The following COPZ1 variants were observed in gnomAD, a reference collection of about 807,000 sequenced individuals.
The protein encoded by COPZ1 is coat protein complex I subunit zeta 1.
In COPZ1, 4 loss-of-function variants were observed where a neutral mutation model predicts 31.7. The observed-to-expected ratio is 0.13, with a 90% confidence interval of 0.06 to 0.29. The LOEUF (loss-of-function observed/expected upper bound fraction) is 0.29, where lower values mean the gene tolerates loss of function less well. Ranked by LOEUF, COPZ1 falls within the 10% of genes least tolerant of loss-of-function variation. COPZ1 has a pLI of 1.00. For synonymous variants in COPZ1, 74 were observed against 79.0 expected, an observed-to-expected ratio of 0.94 and a Z score of 0.33; for missense variants, 156 against 211.5, an observed-to-expected ratio of 0.74 and a Z score of 1.63.
At chr12:54,350,177 C>T in intron 8 of COPZ1, 1 of 681,114 alleles carries the variant, frequency 1.5e-6, no homozygotes, top group Non-Finnish European at 2.7e-6. Flanking sequence ...GATTTGTTAC[C>T]CGCCCCCTGC....
intron 1 of COPZ1, among the ~76,000 whole-genome samples, chr12:54,332,283 C>T (rs934258367): frequency 6.6e-6 from 1 of 151,442 alleles, no homozygotes; most frequent in Non-Finnish European, 1.5e-5. Context: ...TGCACTCCAG[C>T]TTGGGCGACA....
chr12:54,340,007 G>C (rs1361575000), intron 1 of COPZ1, among the ~76,000 whole-genome samples: 2 of 151,800 alleles, frequency 1.3e-5, no homozygotes, highest in African/African-American at 2.4e-5. Context: ...GTGTGTGTGT[G>C]TGTGTGTGTG....
At position 54,345,522 on chromosome 12, in the gene COPZ1, A is replaced by G; in HGVS notation, c.317+7A>G. On this transcript the variant is annotated splice_region_variant and intron_variant, in intron 5 of 8. Coordinates refer to ENST00000262061, the MANE Select transcript of COPZ1 (RefSeq NM_016057.3). ...CATTGAGCCAGATGCTGAGGTGAGC[A>G]GGACATTCTTTTTTTTCCCCTCAAG... 6.2e-7 allele frequency: 1 copy of G among 1,608,884 alleles called. No individual in the cohort carries two copies. The highest frequency in any genetic ancestry group is 1.7e-4 in the Middle Eastern group (1 of 6,054).
chr12:54,337,033 A>G (rs1041296024), intron 1 of COPZ1, among the ~76,000 whole-genome samples: 10 of 151,194 alleles, frequency 6.6e-5, no homozygotes, highest in Admixed American at 5.3e-4. Flanking sequence ...AAAAAAAAAA[A>G]AAAAAAAAAA....
intron 1 of COPZ1, among the ~76,000 whole-genome samples, chr12:54,335,019 A>G (rs1388185300): frequency 1.3e-5 from 2 of 151,780 alleles, no homozygotes; most frequent in Non-Finnish European, 1.5e-5. Flanking sequence ...ACTAAAATAA[A>G]AAAAATCAGC....
intron 3 of COPZ1, 115 bp downstream of exon 3, chr12:54,342,402 C>A: frequency 1.3e-6 from 1 of 751,304 alleles, no homozygotes; most frequent in East Asian, 2.5e-5. Context: ...TTTTTTTTTC[C>A]TTCTTCCCCT....
At position 54,340,140 on chromosome 12, in the gene COPZ1, TATTTTCAAATGGC is replaced by T. The variant is rs563785224; in HGVS notation, c.19-406_19-394del. 2.6e-4 allele frequency among the ~76,000 whole-genome samples: 40 copies of T among 152,262 alleles called. No individual in the cohort carries two copies. In the East Asian group the frequency reaches 6.9e-3, roughly 26 times the overall value. ...CCAAGTATACTAGGACATTCAACCC[TATTTTCAAATGGC>T]TTTGTTCAGTGCCTTTTAATTAATC... On this transcript the variant is annotated intron_variant, in intron 1 of 8. Transcript: ENST00000262061.
At chr12:54,348,662 G>A (rs1405249943) in intron 7 of COPZ1, among the ~76,000 whole-genome samples, 1 of 152,080 alleles carries the variant, frequency 6.6e-6, no homozygotes, top group East Asian at 1.9e-4. Context: ...GCTTGAGCCC[G>A]GGAGGTGGAG....
Position 54,344,250 on chromosome 12 carries a change from C to T in COPZ1, c.261+934C>T, listed in dbSNP as rs148259890. Among the ~76,000 whole-genome samples the T allele has an allele frequency of 1.1e-4, 16 of 151,784 alleles. No homozygotes were observed. In the East Asian group the frequency reaches 2.7e-3, roughly 26 times the overall value. ...CGGATCACTTGAGGTCAGGAGTTCG[C>T]GACCAGGCTGGCCAACATGGCGAAA... On this transcript the variant is annotated intron_variant, in intron 4 of 8. Coordinates refer to ENST00000262061, the MANE Select transcript of COPZ1 (RefSeq NM_016057.3).
At chr12:54,339,453 T>G (rs1953932650) in intron 1 of COPZ1, among the ~76,000 whole-genome samples, 1 of 152,024 alleles carries the variant, frequency 6.6e-6, no homozygotes, top group African/African-American at 2.4e-5. Context: ...GCTCAAGAGA[T>G]CCTATCACCT....
intron 1 of COPZ1, among the ~76,000 whole-genome samples, chr12:54,329,753 A>G (rs1953718531): frequency 6.6e-6 from 1 of 152,132 alleles, no homozygotes. Context: ...ACCATAACCA[A>G]ATCCTAAATT....
At chr12:54,332,944 GC>G (rs1161455391) in intron 1 of COPZ1, among the ~76,000 whole-genome samples, 1 of 151,858 alleles carries the variant, frequency 6.6e-6, no homozygotes, top group Non-Finnish European at 1.5e-5. Flanking sequence ...TCTTTTTCCT[GC>G]CCCCTCCACA....
chr12:54,345,462 G>A lies in COPZ1; in HGVS notation c.264G>A (p.Leu88=). The change falls in exon 5 of 9, where the codon CTG becomes CTA. Residue 88 remains leucine, a splice_region_variant and synonymous_variant. Transcript: ENST00000262061. ...YVIGSSYENE[L]MLMAVLNCLF... is the part of the protein sequence containing the mutation. ...CTGCCTCCTCTGTTTCCCAACAGCT[G>A]ATGCTTATGGCTGTTCTGAACTGTC... is the stretch of plus-strand genomic sequence containing the variant. 1.9e-6 allele frequency: 3 copies of A among 1,612,754 alleles called. No homozygotes were observed. Among genetic ancestry groups the A allele is most frequent in the Non-Finnish European group, 2.5e-6 (3 of 1,178,834 alleles).
chr12:54,342,646 C>T, intron 3 of COPZ1: 1 of 251,270 alleles, frequency 4.0e-6, no homozygotes, highest in East Asian at 1.1e-4. Flanking sequence ...AGTATCCTGT[C>T]TCATATACAA....
intron 7 of COPZ1, 105 bp from the exon 8 acceptor site, chr12:54,349,515 T>G: frequency 1.1e-6 from 1 of 912,330 alleles, no homozygotes; most frequent in Non-Finnish European, 1.9e-6. Context: ...CATCTGCCCT[T>G]TGTTTCAGTT....
Position 54,347,859 on chromosome 12 carries a change from C to T in COPZ1, c.395+15C>T, listed in dbSNP as rs1451324387. ...GTAGATGGAGGGTAAGTTCTCTGAC[C>T]TGCCTTGATCTTGGGTGAGGTGGCG... On this transcript the variant is annotated intron_variant, in intron 6 of 8. Transcript: ENST00000262061. 2.5e-6 allele frequency: 4 copies of T among 1,612,488 alleles called. No homozygotes were observed. Among genetic ancestry groups the T allele is most frequent in the Non-Finnish European group, 3.4e-6 (4 of 1,179,164 alleles).
chr12:54,336,417 T>A (rs559700275), intron 1 of COPZ1, among the ~76,000 whole-genome samples: 3 of 152,042 alleles, frequency 2.0e-5, no homozygotes, highest in Admixed American at 6.6e-5. Context: ...GGCAGGTGCG[T>A]GTAGTCCCAG....
intron 1 of COPZ1, among the ~76,000 whole-genome samples, chr12:54,326,643 GTGT>G (rs1565587190): frequency 2.6e-4 from 6 of 22,920 alleles, no homozygotes; most frequent in African/African-American, 1.3e-3. Flanking sequence ...TTGGAGGGGT[GTGT>G]GTGTGTGTGT....
chr12:54,343,416 C>A, intron 4 of COPZ1, 100 bp downstream of exon 4: 1 of 975,308 alleles, frequency 1.0e-6, no homozygotes, highest in Non-Finnish European at 1.6e-6. Flanking sequence ...CCGTGTTCCT[C>A]TGGCTTCTGA....
Sources: gnomAD v4.1 joint callset for allele counts (sites outside exome capture counted in the v4.1 genomes callset) on GRCh38, gnomAD v4.1.1 for gene constraint, MANE v1.5 for transcripts, NCBI Gene and HGNC (gene_info 2026-07-23, HGNC 2026-07-21) for gene names.